ERN1: variants seen among roughly 807,000 people sequenced by gnomAD.
ERN1 encodes the protein endoplasmic reticulum to nucleus signaling 1, also known as serine/threonine-protein kinase/endoribonuclease IRE1.
ERN1 carries 39 observed loss-of-function variants against 113.1 expected under a neutral mutation model. The ratio of observed to expected loss-of-function variants is 0.34; its 90% CI spans 0.27 to 0.45. The LOEUF (loss-of-function observed/expected upper bound fraction) is 0.45, where lower values mean the gene tolerates loss of function less well. ERN1 is among the 20% of genes least tolerant of loss of function. The pLI, the probability that ERN1 is intolerant of heterozygous loss-of-function variation, is 1.00. For missense variants in ERN1, 976 were observed against 1,274.8 expected (o/e 0.77, Z 3.57); for synonymous variants, 507 against 515.9 (o/e 0.98, Z 0.23).
chr17:64,095,684 CA>C (rs1457272036), intron 2 of ERN1, among the ~76,000 whole-genome samples: 2 of 152,174 alleles, frequency 1.3e-5, no homozygotes, highest in Non-Finnish European at 2.9e-5. Context: ...ATCACATTAA[CA>C]GCTCCCAATT....
intron 1 of ERN1, among the ~76,000 whole-genome samples, chr17:64,124,406 C>T (rs1376402589): frequency 1.3e-5 from 2 of 152,228 alleles, no homozygotes; most frequent in African/African-American, 2.4e-5. Context: ...ACCCAAATCT[C>T]ATCTTGTAGC....
chr17:64,056,110 T>G (rs1598049275), intron 12 of ERN1, among the ~76,000 whole-genome samples, 162 bp from the exon 13 acceptor site: 1 of 152,170 alleles, frequency 6.6e-6, no homozygotes, highest in African/African-American at 2.4e-5. Flanking sequence ...CAGAATTGCT[T>G]CGATGACTGG....
chr17:64,070,390 C>A (rs961816650), intron 6 of ERN1, among the ~76,000 whole-genome samples: 4 of 152,222 alleles, frequency 2.6e-5, no homozygotes, highest in Non-Finnish European at 4.4e-5. Context: ...CATTCCACCT[C>A]ATGCATATCC....
chr17:64,046,299 C>T (rs538274716), intron 19 of ERN1, among the ~76,000 whole-genome samples: 2 of 152,328 alleles, frequency 1.3e-5, no homozygotes, highest in South Asian at 4.1e-4. Context: ...ACTGGGAACA[C>T]ACGTGTCTGA....
chr17:64,075,183 AG>A lies in ERN1; in HGVS notation c.346del (p.Leu116SerfsTer16). 1 of 1,540,564 alleles carries A rather than the reference AG, an allele frequency of 6.5e-7. No individual in the cohort carries two copies. The highest frequency in any genetic ancestry group is 2.5e-5 in the East Asian group (1 of 39,770). ...ASPCRSSDGILYMGKKQDIWY... is the reference protein window; with the variant it reads ...ASPCRSSDGIXYMGKKQDIWY... ...GAGACAGGAACTCTTACCCATGTAG[AG>A]GATTCCATCTGAACTTCGGCATGGG... On this transcript the variant is annotated frameshift_variant, in exon 5 of 22. Coordinates refer to ENST00000433197, the MANE Select transcript of ERN1 (RefSeq NM_001433.5). LOFTEE classifies it high-confidence loss of function.
In ERN1 at chr17:64,042,567, AT is replaced by A. The variant is rs1912373951; in HGVS notation, c.*1420del. ...TCCCCCAACTGGCTGGAGAAAGTACATGGACAACATCTCCTTACACGGTAGG... is the reference window on the plus strand; with the variant it reads ...TCCCCCAACTGGCTGGAGAAAGTACAGGACAACATCTCCTTACACGGTAGG... On this transcript the variant is annotated 3_prime_UTR_variant, in exon 22 of 22. Coordinates refer to ENST00000433197, the MANE Select transcript of ERN1 (RefSeq NM_001433.5). The A allele has an allele frequency of 6.6e-6, 1 of 152,234 alleles. No individual in the cohort carries two copies. Among genetic ancestry groups the A allele is most frequent in the South Asian group, 2.1e-4 (1 of 4,826 alleles). The allele number at this position is 152,234 out of a possible 1,614,324, so 9.4% of individuals were successfully genotyped here. A position where few individuals can be genotyped will look rare whatever the true frequency, so the allele number is the denominator to read the frequency against.
At chr17:64,048,998 AG>A in intron 18 of ERN1, 56 bp downstream of exon 18, 1 of 1,477,332 alleles carries the variant, frequency 6.8e-7, no homozygotes, top group Non-Finnish European at 9.1e-7. Flanking sequence ...CCAGCTCTGC[AG>A]GGCCACCTGA....
At chr17:64,129,359 G>A (rs1002153909) in intron 1 of ERN1, 1 of 154,784 alleles carries the variant, frequency 6.5e-6, no homozygotes, top group African/African-American at 2.4e-5. Flanking sequence ...GCTCAAGGAA[G>A]TCTCGGTGCA....
intron 1 of ERN1, among the ~76,000 whole-genome samples, chr17:64,101,235 C>T (rs2143460019): frequency 6.6e-6 from 1 of 152,236 alleles, no homozygotes; most frequent in Non-Finnish European, 1.5e-5. Context: ...ATGGCGAAAC[C>T]TCGTCTCTAC....
intron 4 of ERN1, among the ~76,000 whole-genome samples, chr17:64,075,488 A>C (rs1365203123): frequency 1.3e-5 from 2 of 152,126 alleles, no homozygotes; most frequent in South Asian, 2.1e-4. Flanking sequence ...GCTGGAGTGC[A>C]GTGGCACCAT....
intron 1 of ERN1, 76 bp downstream of exon 1, chr17:64,129,900 C>G (rs1915190636): frequency 3.1e-6 from 4 of 1,278,666 alleles, no homozygotes; most frequent in Non-Finnish European, 4.0e-6. Flanking sequence ...ACTCCAGCCC[C>G]GGCGCCGCGA....
chr17:64,047,992 A>C lies in ERN1; in HGVS notation c.2402-7T>G, dbSNP rs762902128. 6 of 1,604,580 alleles carry C rather than the reference A, an allele frequency of 3.7e-6. No individual in the cohort carries two copies. The South Asian group carries it at 5.6e-5, about 15-fold the overall frequency. ...TCACGTGCAATGACGTCTTCTATAA[A>C]GGAGGAAAATAAGCAACTCATGACT... On this transcript the variant is annotated splice_polypyrimidine_tract_variant and splice_region_variant and intron_variant, in intron 18 of 21. Coordinates refer to ENST00000433197, the MANE Select transcript of ERN1 (RefSeq NM_001433.5).
At chr17:64,113,090 T>G (rs929665893) in intron 1 of ERN1, among the ~76,000 whole-genome samples, 1 of 152,198 alleles carries the variant, frequency 6.6e-6, no homozygotes, top group African/African-American at 2.4e-5. Flanking sequence ...AAAGCTGTAT[T>G]TTAAATATTT....
chr17:64,121,988 G>A (rs1042014789), intron 1 of ERN1, among the ~76,000 whole-genome samples: 2 of 152,198 alleles, frequency 1.3e-5, no homozygotes, highest in African/African-American at 2.4e-5. Flanking sequence ...TTTTCCTGAA[G>A]CTTACAAGAA....
At chr17:64,046,528 C>T (rs1912518890) in intron 19 of ERN1, among the ~76,000 whole-genome samples, 1 of 152,220 alleles carries the variant, frequency 6.6e-6, no homozygotes, top group Admixed American at 6.5e-5. Flanking sequence ...CACATTATGT[C>T]CATGGACACA....
intron 8 of ERN1, among the ~76,000 whole-genome samples, 198 bp downstream of exon 8, chr17:64,066,473 T>G (rs107403): frequency 0.59 from 89,028 of 152,050 alleles, 30,299 homozygotes; most frequent in South Asian, 0.77. Context: ...TAATATTTAA[T>G]AACTCTGAAG....
chr17:64,080,697 A>G, intron 3 of ERN1, 78 bp downstream of exon 3: 1 of 1,355,900 alleles, frequency 7.4e-7, no homozygotes, highest in Admixed American at 1.9e-5. Context: ...ATGCACTCCC[A>G]GCAACTGGCC....
At chr17:64,068,508 A>C (rs1913310661) in intron 6 of ERN1, among the ~76,000 whole-genome samples, 1 of 152,170 alleles carries the variant, frequency 6.6e-6, no homozygotes, top group Non-Finnish European at 1.5e-5. Context: ...GAGACGACCC[A>C]CCCTCGCTAT....
chr17:64,095,917 C>A (rs1287884129), intron 2 of ERN1, among the ~76,000 whole-genome samples: 5 of 152,218 alleles, frequency 3.3e-5, no homozygotes, highest in African/African-American at 7.2e-5. Context: ...CTTCACAGAG[C>A]CTCCTGCCCT....
Sources: allele counts gnomAD v4.1 joint callset (sites outside exome capture counted in the v4.1 genomes callset), GRCh38; gene constraint gnomAD v4.1.1; transcripts MANE v1.5; gene names NCBI Gene and HGNC (gene_info 2026-07-23, HGNC 2026-07-21).